RGS7: variants seen among roughly 807,000 people sequenced by gnomAD.
The protein encoded by RGS7 is regulator of G protein signaling 7.
RGS7 carries 27 observed loss-of-function variants against 81.1 expected under a neutral mutation model. That is an observed-to-expected ratio of 0.33 (90% confidence interval 0.25 to 0.46). The LOEUF (loss-of-function observed/expected upper bound fraction) is 0.46. Among genes scored for constraint, RGS7 ranks in the 20% least tolerant of loss-of-function variants. The pLI, the probability that RGS7 is intolerant of heterozygous loss-of-function variation, is 1.00. For missense variants in RGS7, 396 were observed against 607.4 expected (o/e 0.65, Z 3.66); for synonymous variants, 208 against 207.7 (o/e 1.00, Z -0.01).
At chr1:241,355,862 G>A (rs1189233513) in intron 1 of RGS7, 36 bp from the exon 2 acceptor site, 1 of 1,084,746 alleles carries the variant, frequency 9.2e-7, no homozygotes. Context: ...TGAGATCCCA[G>A]TGGGACTCCC....
chr1:241,329,952 T>A (rs2081867665), intron 2 of RGS7, among the ~76,000 whole-genome samples: 1 of 152,162 alleles, frequency 6.6e-6, no homozygotes, highest in Non-Finnish European at 1.5e-5. Context: ...TTTTGTTTTT[T>A]GTTTTTGAGA....
At chr1:241,205,832 C>T (rs1170025119) in intron 2 of RGS7, among the ~76,000 whole-genome samples, 1 of 152,050 alleles carries the variant, frequency 6.6e-6, no homozygotes, top group Non-Finnish European at 1.5e-5. Context: ...TAATAAGGTC[C>T]CAGGTAATGA....
intron 2 of RGS7, among the ~76,000 whole-genome samples, chr1:241,268,604 T>C (rs1484042381): frequency 6.6e-6 from 1 of 152,058 alleles, no homozygotes; most frequent in Non-Finnish European, 1.5e-5. Context: ...TTCCTGAAGC[T>C]AGGAGATACG....
At chr1:241,097,106 C>CA (rs567773374) in intron 3 of RGS7, among the ~76,000 whole-genome samples, 297 of 148,582 alleles carry the variant, frequency 2.0e-3, no homozygotes, top group African/African-American at 7.4e-3. Flanking sequence ...ACAAGAGATG[C>CA]AAAAACCAAG....
intron 2 of RGS7, among the ~76,000 whole-genome samples, chr1:241,223,615 G>A (rs552097355): frequency 2.7e-4 from 41 of 151,632 alleles, no homozygotes; most frequent in African/African-American, 9.4e-4. Context: ...ACATAATAGC[G>A]CATTCAAATA....
In RGS7 at chr1:240,893,828, ATTG is replaced by A. The variant is rs572326458; in HGVS notation, c.386-23712_386-23710del. Among the ~76,000 whole-genome samples, 10 of 152,286 alleles carry A rather than the reference ATTG, an allele frequency of 6.6e-5. No homozygotes were observed. The East Asian group carries it at 7.7e-4, about 12-fold the overall frequency. On this transcript the variant is annotated intron_variant, in intron 6 of 18. Coordinates refer to ENST00000440928, the MANE Select transcript of RGS7 (RefSeq NM_001364886.1). ...AAGAGTTTTTCATAACTGATATATT[ATTG>A]TTATGTGTCATTTTAATTCCACTTT... is the stretch of plus-strand genomic sequence containing the variant.
intron 2 of RGS7, among the ~76,000 whole-genome samples, chr1:241,325,621 C>T (rs1044549202): frequency 6.6e-6 from 1 of 152,140 alleles, no homozygotes; most frequent in Non-Finnish European, 1.5e-5. Context: ...GGTTCTCACT[C>T]CATTTGGGTT....
intron 3 of RGS7, among the ~76,000 whole-genome samples, chr1:241,049,383 C>A (rs993795370): frequency 2.0e-5 from 3 of 152,196 alleles, no homozygotes; most frequent in African/African-American, 7.2e-5. Flanking sequence ...GACACACACA[C>A]AAAAACTTTA....
chr1:241,169,746 G>A (rs1048797345), intron 2 of RGS7, among the ~76,000 whole-genome samples: 1 of 152,058 alleles, frequency 6.6e-6, no homozygotes, highest in African/African-American at 2.4e-5. Context: ...TATAAAATTA[G>A]GAATTTACCT....
At chr1:241,126,146 T>G (rs1346925928) in intron 2 of RGS7, among the ~76,000 whole-genome samples, 2 of 148,770 alleles carry the variant, frequency 1.3e-5, no homozygotes, top group Non-Finnish European at 3.0e-5. Context: ...ATTTATTTAT[T>G]TATTATTATT....
intron 18 of RGS7, among the ~76,000 whole-genome samples, chr1:240,789,949 G>C (rs1319040579): frequency 6.6e-6 from 1 of 152,110 alleles, no homozygotes; most frequent in Non-Finnish European, 1.5e-5. Context: ...GGGCATCACG[G>C]AACCTGCCGA....
intron 18 of RGS7, among the ~76,000 whole-genome samples, chr1:240,787,821 A>AT (rs1685320707): frequency 6.6e-6 from 1 of 152,232 alleles, no homozygotes; most frequent in Non-Finnish European, 1.5e-5. Flanking sequence ...AATTAGGGAC[A>AT]TGTAATCTCA....
chr1:241,283,911 T>C (rs1300981460), intron 2 of RGS7, among the ~76,000 whole-genome samples: 1 of 152,210 alleles, frequency 6.6e-6, no homozygotes, highest in South Asian at 2.1e-4. Flanking sequence ...GATGAGCCAA[T>C]CCACTGAGCT....
chr1:241,203,294 G>A (rs563842327), intron 2 of RGS7, among the ~76,000 whole-genome samples: 10 of 152,102 alleles, frequency 6.6e-5, no homozygotes, highest in East Asian at 1.9e-4. Flanking sequence ...GTGCAGCAGC[G>A]TGATCTCGGC....
chr1:240,782,005 ACTCCGTCTCAAAAAAAAAAAAAGAGAT>A (rs1558240794), intron 18 of RGS7, among the ~76,000 whole-genome samples: 2 of 147,374 alleles, frequency 1.4e-5, no homozygotes, highest in Non-Finnish European at 3.0e-5. Context: ...ATAGAGTGAG[ACTCCGTCTCAAAAAAAAAAAAAGAGAT>A]CTTAAGTGCA....
At chr1:240,818,780 G>A (rs1174466889) in intron 10 of RGS7, among the ~76,000 whole-genome samples, 2 of 152,196 alleles carry the variant, frequency 1.3e-5, no homozygotes, top group Non-Finnish European at 2.9e-5. Flanking sequence ...CAGAGGCTGG[G>A]ATAGGGGGTG....
intron 3 of RGS7, among the ~76,000 whole-genome samples, chr1:241,040,118 A>G (rs2148763531): frequency 1.3e-5 from 2 of 152,354 alleles, no homozygotes; most frequent in South Asian, 4.1e-4. Context: ...TTTTCCCTGC[A>G]GGAAAACTGT....
chr1:241,242,630 C>A (rs145268458), intron 2 of RGS7, among the ~76,000 whole-genome samples: 1 of 152,116 alleles, frequency 6.6e-6, no homozygotes, highest in Non-Finnish European at 1.5e-5. Flanking sequence ...CACATCCCTG[C>A]CAACATCTAT....
At chr1:241,135,445 CAAA>C (rs1420770573) in intron 2 of RGS7, among the ~76,000 whole-genome samples, 2 of 151,956 alleles carry the variant, frequency 1.3e-5, no homozygotes, top group African/African-American at 2.4e-5. Context: ...CAACAAAAAA[CAAA>C]AAAAGCAGCA....
Sources: allele counts gnomAD v4.1 joint callset (sites outside exome capture counted in the v4.1 genomes callset), GRCh38; gene constraint gnomAD v4.1.1; transcripts MANE v1.5; gene names NCBI Gene and HGNC (gene_info 2026-07-23, HGNC 2026-07-21).